CDK14: variants seen among roughly 807,000 people sequenced by gnomAD.
CDK14 encodes the protein cyclin-dependent kinase 14.
In CDK14, 34 loss-of-function variants were observed where a neutral mutation model predicts 60.7. The observed-to-expected ratio is 0.56, with a 90% CI of 0.43 to 0.75. The LOEUF is 0.75. Among genes scored for constraint, CDK14 ranks in the 30% least tolerant of loss-of-function variants. The pLI is 0.00. For missense variants in CDK14, 482 were observed against 564.1 expected (o/e 0.85, Z 1.47); for synonymous variants, 197 against 203.7 (o/e 0.97, Z 0.28).
At chr7:90,840,873 A>G (rs1464027659) in intron 5 of CDK14, among the ~76,000 whole-genome samples, 1 of 148,480 alleles carries the variant, frequency 6.7e-6, no homozygotes, top group African/African-American at 2.5e-5. Flanking sequence ...TTGCATTAGT[A>G]GAAATTCTGA....
chr7:91,155,346 A>G (rs1443656904), intron 14 of CDK14, among the ~76,000 whole-genome samples: 1 of 152,236 alleles, frequency 6.6e-6, no homozygotes, highest in Non-Finnish European at 1.5e-5. Flanking sequence ...AAAGAAAATT[A>G]CTAATTCTAG....
intron 8 of CDK14, among the ~76,000 whole-genome samples, chr7:90,924,948 A>G (rs1793370626): frequency 6.6e-6 from 1 of 152,138 alleles, no homozygotes; most frequent in Non-Finnish European, 1.5e-5. Flanking sequence ...TTTCATTTTA[A>G]TGAAAGAAGA....
At chr7:90,899,453 A>AT (rs1792433983) in intron 7 of CDK14, 100 bp downstream of exon 7, 4 of 848,208 alleles carry the variant, frequency 4.7e-6, no homozygotes, top group Admixed American at 3.9e-5. Context: ...AATTTTTTAA[A>AT]TTTTTTGTGT....
intron 9 of CDK14, among the ~76,000 whole-genome samples, chr7:90,969,765 T>C (rs1794864109): frequency 6.6e-6 from 1 of 152,164 alleles, no homozygotes; most frequent in Non-Finnish European, 1.5e-5. Flanking sequence ...CTATTTCTTG[T>C]CATATTTTTC....
chr7:90,651,931 A>C (rs981954047), intron 2 of CDK14, among the ~76,000 whole-genome samples: 49 of 152,134 alleles, frequency 3.2e-4, no homozygotes, highest in African/African-American at 1.2e-3. Flanking sequence ...TCCAATACAA[A>C]GGAGCATACA....
At chr7:90,840,564 C>G (rs950264142) in intron 5 of CDK14, among the ~76,000 whole-genome samples, 2 of 152,138 alleles carry the variant, frequency 1.3e-5, no homozygotes, top group African/African-American at 2.4e-5. Flanking sequence ...TTTCCCATCC[C>G]TTCCTTTGCT....
At chr7:90,638,290 T>A (rs1475203138) in intron 2 of CDK14, among the ~76,000 whole-genome samples, 7 of 152,210 alleles carry the variant, frequency 4.6e-5, no homozygotes, top group Non-Finnish European at 7.3e-5. Flanking sequence ...TTCCATGTTT[T>A]GTGCTTCCTT....
chr7:90,631,516 G>C (rs1584753696), intron 2 of CDK14, among the ~76,000 whole-genome samples: 1 of 152,102 alleles, frequency 6.6e-6, no homozygotes, highest in East Asian at 1.9e-4. Context: ...TTAGACTAGG[G>C]GCCACTATTG....
intron 6 of CDK14, among the ~76,000 whole-genome samples, chr7:90,865,849 G>A (rs994794083): frequency 2.0e-5 from 3 of 152,118 alleles, no homozygotes; most frequent in Non-Finnish European, 4.4e-5. Context: ...CTAAAGGTTA[G>A]GGAGATGAAG....
chr7:90,685,682 A>G lies in CDK14; in HGVS notation c.124-40885A>G, dbSNP rs1391235856. Among the ~76,000 whole-genome samples, 3 of 108,846 alleles carry G rather than the reference A, an allele frequency of 2.8e-5. No homozygotes were observed. The Admixed American group carries it at 3.6e-4, about 13-fold the overall frequency. The allele number at this position is 108,846 out of a possible 152,430, so 71.4% of individuals were successfully genotyped here. On this transcript the variant is annotated intron_variant, in intron 2 of 14. Transcript: ENST00000380050. Reference sequence around the variant, plus strand: ...TTTTTTTTTTTTTTTTTTTGTAGAGATGAGGTCTTGCTTTGTTGCCCAGTC... The same window carrying G: ...TTTTTTTTTTTTTTTTTTTGTAGAGGTGAGGTCTTGCTTTGTTGCCCAGTC...
intron 2 of CDK14, among the ~76,000 whole-genome samples, chr7:90,707,754 A>T (rs572307306): frequency 1.3e-5 from 2 of 152,244 alleles, no homozygotes; most frequent in South Asian, 4.1e-4. Flanking sequence ...TCTCCTGGGT[A>T]GTACTGGAAG....
At position 91,173,839 on chromosome 7, in the gene CDK14, C is replaced by T. The variant is rs534912786; in HGVS notation, c.*29-33326C>T. On this transcript the variant is annotated intron_variant, in intron 14 of 14. Transcript: ENST00000380050. ...GGAGTCTCGCTGATTGCTAGCACAG[C>T]AGTCTGAGATCAAACTGCAAGGCGG... 1.1e-4 allele frequency among the ~76,000 whole-genome samples: 16 copies of T among 152,310 alleles called. No individual in the cohort carries two copies. The South Asian group carries it at 3.3e-3, about 32-fold the overall frequency.
intron 2 of CDK14, among the ~76,000 whole-genome samples, chr7:90,629,641 G>A (rs1799950312): frequency 6.6e-6 from 1 of 152,228 alleles, no homozygotes; most frequent in African/African-American, 2.4e-5. Context: ...AGCTAACTAA[G>A]TGAATGCTTA....
At chr7:91,035,394 C>A (rs1796895867) in intron 10 of CDK14, among the ~76,000 whole-genome samples, 2 of 152,176 alleles carry the variant, frequency 1.3e-5, no homozygotes, top group Admixed American at 6.5e-5. Context: ...CGTTAGAATG[C>A]CCTTCTTTGC....
At chr7:90,720,040 A>G (rs1228032233) in intron 2 of CDK14, among the ~76,000 whole-genome samples, 1 of 152,210 alleles carries the variant, frequency 6.6e-6, no homozygotes, top group African/African-American at 2.4e-5. Context: ...CGAGTTAATG[A>G]ACAAATCTTT....
At chr7:91,166,008 T>A (rs1801335300) in intron 14 of CDK14, among the ~76,000 whole-genome samples, 1 of 152,208 alleles carries the variant, frequency 6.6e-6, no homozygotes, top group African/African-American at 2.4e-5. Context: ...TTTCAGTATT[T>A]CCCTCTATTG....
chr7:90,621,325 C>T (rs377503944), intron 2 of CDK14, among the ~76,000 whole-genome samples: 39 of 152,258 alleles, frequency 2.6e-4, no homozygotes, highest in African/African-American at 8.2e-4. Context: ...CTCCATGTGT[C>T]TTGTGTTCAT....
intron 5 of CDK14, among the ~76,000 whole-genome samples, chr7:90,850,798 G>T (rs529565780): frequency 6.6e-6 from 1 of 152,254 alleles, no homozygotes; most frequent in African/African-American, 2.4e-5. Flanking sequence ...TTTAAGAAGA[G>T]AAGTGACTAG....
intron 4 of CDK14, among the ~76,000 whole-genome samples, chr7:90,769,973 G>T (rs1414088427): frequency 6.6e-6 from 1 of 152,170 alleles, no homozygotes; most frequent in African/African-American, 2.4e-5. Context: ...CCTCAAAGTG[G>T]CCAAATTCTT....
Sources: allele counts gnomAD v4.1 joint callset (sites outside exome capture counted in the v4.1 genomes callset), GRCh38; gene constraint gnomAD v4.1.1; transcripts MANE v1.5; gene names NCBI Gene and HGNC (gene_info 2026-07-23, HGNC 2026-07-21).